SLC9C1: variants seen among roughly 807,000 people sequenced by gnomAD.
The protein encoded by SLC9C1 is solute carrier family 9 member C1, also known as sodium/hydrogen exchanger 10.
SLC9C1 carries 97 observed loss-of-function variants against 140.9 expected under a neutral mutation model. That is an observed-to-expected ratio of 0.69 (90% confidence interval 0.58 to 0.82). The LOEUF (loss-of-function observed/expected upper bound fraction) is 0.82. Among genes scored for constraint, SLC9C1 ranks in the 40% least tolerant of loss-of-function variants. The probability of loss-of-function intolerance (pLI) is 0.00; values close to 1 mark genes in which losing one functional copy is unlikely to be tolerated. For missense variants in SLC9C1, 1,340 were observed against 1,389.3 expected (o/e 0.96, Z 0.56); for synonymous variants, 440 against 442.6 (o/e 0.99, Z 0.07).
intron 15 of SLC9C1, among the ~76,000 whole-genome samples, chr3:112,212,999 G>A (rs1173758856): frequency 1.3e-5 from 2 of 152,240 alleles, no homozygotes; most frequent in African/African-American, 4.8e-5. Context: ...CAGAATAATA[G>A]CAGATCTCTC....
chr3:112,227,792 G>A (rs113382046), intron 13 of SLC9C1, among the ~76,000 whole-genome samples: 1 of 151,982 alleles, frequency 6.6e-6, no homozygotes, highest in Non-Finnish European at 1.5e-5. Context: ...TATGTGAAAA[G>A]AAATCAAAGC....
intron 18 of SLC9C1, 29 bp from the exon 19 acceptor site, chr3:112,200,791 T>C (rs748374068): frequency 1.9e-6 from 3 of 1,575,418 alleles, no homozygotes; most frequent in South Asian, 1.1e-5. Context: ...GTTATCCCCA[T>C]TGGAAAAACA....
chr3:112,253,734 A>G (rs1052884015), intron 10 of SLC9C1, among the ~76,000 whole-genome samples: 1 of 152,158 alleles, frequency 6.6e-6, no homozygotes, highest in African/African-American at 2.4e-5. Context: ...ATATCCTCCA[A>G]ATGACCACAC....
At chr3:112,290,049 G>T (rs990155431) in intron 1 of SLC9C1, among the ~76,000 whole-genome samples, 1 of 152,146 alleles carries the variant, frequency 6.6e-6, no homozygotes, top group Non-Finnish European at 1.5e-5. Flanking sequence ...TCCAGGGGAA[G>T]CCCCTGCCAT....
intron 28 of SLC9C1, among the ~76,000 whole-genome samples, chr3:112,146,201 CTTTCT>C (rs2074790672): frequency 6.6e-6 from 1 of 150,738 alleles, no homozygotes; most frequent in South Asian, 2.1e-4. Flanking sequence ...GTATTTGGAG[CTTTCT>C]TTTTTTTTTT....
chr3:112,253,267 T>C (rs533886232), intron 10 of SLC9C1, among the ~76,000 whole-genome samples: 21 of 152,196 alleles, frequency 1.4e-4, no homozygotes, highest in Admixed American at 8.5e-4. Context: ...TGCCGCCAAG[T>C]TGGGGAAGGC....
intron 15 of SLC9C1, among the ~76,000 whole-genome samples, chr3:112,213,628 A>G (rs2078271124): frequency 6.6e-6 from 1 of 152,214 alleles, no homozygotes; most frequent in Non-Finnish European, 1.5e-5. Flanking sequence ...ACATAATGGT[A>G]AAGGGATCAA....
At chr3:112,256,270 A>G (rs2079603550) in intron 10 of SLC9C1, among the ~76,000 whole-genome samples, 1 of 152,148 alleles carries the variant, frequency 6.6e-6, no homozygotes, top group Non-Finnish European at 1.5e-5. Context: ...CAGAGAAACA[A>G]CAAAAAAGAA....
At position 112,258,302 on chromosome 3, in the gene SLC9C1, C is replaced by A. The variant is rs1294307231; in HGVS notation, c.1197+4622G>T. Among the ~76,000 whole-genome samples the A allele has an allele frequency of 1.5e-4, 23 of 152,278 alleles. No homozygotes were observed. The East Asian group carries it at 4.2e-3, about 28-fold the overall frequency. The stretch of plus-strand genomic sequence containing the variant: ...GATATAGAATTAACCTAAATGCCCA[C>A]CATGGCAGATTGGATAAAGAAAATG... On this transcript the variant is annotated intron_variant, in intron 10 of 28. Coordinates refer to ENST00000305815, the MANE Select transcript of SLC9C1 (RefSeq NM_183061.3).
chr3:112,151,927 G>T lies in SLC9C1; in HGVS notation c.3454C>A (p.Gln1152Lys). Reference sequence around the variant, plus strand: ...TTTGTCCCCAGCAGGGAGCAAGGCTGGGGACTCCTGGCAGTGGCGGCACTG... The same window carrying T: ...TTTGTCCCCAGCAGGGAGCAAGGCTTGGGACTCCTGGCAGTGGCGGCACTG... ...AHSAATARSP[Q>K]PCSLLGTKFN... The change falls in exon 28 of 29, where the codon CAG becomes AAG. Residue 1152 changes from glutamine to lysine, a missense_variant. Physicochemically the swap from Gln to Lys is moderately conservative, Grantham distance 53 (BLOSUM62 1). Coordinates refer to ENST00000305815, the MANE Select transcript of SLC9C1 (RefSeq NM_183061.3). 6 of 1,604,896 alleles carry T rather than the reference G, an allele frequency of 3.7e-6. No individual in the cohort carries two copies. Among genetic ancestry groups the T allele is most frequent in the Non-Finnish European group, 5.1e-6 (6 of 1,177,522 alleles).
At chr3:112,169,421 T>C in intron 23 of SLC9C1, 93 bp from the exon 24 acceptor site, 1 of 1,166,064 alleles carries the variant, frequency 8.6e-7, no homozygotes, top group Non-Finnish European at 1.2e-6. Flanking sequence ...TTAAAGCTAA[T>C]AATTTAATTA....
At chr3:112,215,237 C>T (rs992496655) in intron 15 of SLC9C1, among the ~76,000 whole-genome samples, 1 of 152,158 alleles carries the variant, frequency 6.6e-6, no homozygotes, top group Admixed American at 6.5e-5. Context: ...TTATGACAAA[C>T]CCACAGCCAA....
chr3:112,177,479 G>A (rs532635084), intron 23 of SLC9C1, among the ~76,000 whole-genome samples: 3 of 150,994 alleles, frequency 2.0e-5, no homozygotes, highest in Non-Finnish European at 3.0e-5. Flanking sequence ...GCAGTTTCTA[G>A]CCAAGTTAGC....
intron 20 of SLC9C1, among the ~76,000 whole-genome samples, chr3:112,198,322 T>G (rs2077818151): frequency 6.6e-6 from 1 of 152,018 alleles, no homozygotes; most frequent in Admixed American, 6.6e-5. Context: ...TTAATCCTAC[T>G]GCTTTTAAGC....
intron 26 of SLC9C1, among the ~76,000 whole-genome samples, chr3:112,163,624 G>T (rs1197549070): frequency 2.0e-5 from 3 of 151,866 alleles, no homozygotes; most frequent in African/African-American, 7.2e-5. Context: ...TGATTGCACT[G>T]TGGTCTGAGA....
intron 26 of SLC9C1, among the ~76,000 whole-genome samples, chr3:112,163,238 A>AG (rs1450280571): frequency 6.8e-6 from 1 of 146,206 alleles, no homozygotes; most frequent in Admixed American, 6.8e-5. Flanking sequence ...GGATTCATTA[A>AG]TTTTTTGAAG....
intron 10 of SLC9C1, among the ~76,000 whole-genome samples, chr3:112,259,710 A>G (rs1003893152): frequency 6.0e-4 from 91 of 152,284 alleles, no homozygotes; most frequent in African/African-American, 2.1e-3. Context: ...TCTGTACACC[A>G]AACTTCCATG....
chr3:112,268,772 T>C (rs1008892825), intron 7 of SLC9C1, among the ~76,000 whole-genome samples: 1 of 152,248 alleles, frequency 6.6e-6, no homozygotes, highest in Non-Finnish European at 1.5e-5. Flanking sequence ...TTTTAAATCA[T>C]GGATGTGAGA....
At chr3:112,265,265 T>C (rs920656110) in intron 8 of SLC9C1, among the ~76,000 whole-genome samples, 1 of 152,048 alleles carries the variant, frequency 6.6e-6, no homozygotes, top group African/African-American at 2.4e-5. Flanking sequence ...AGTAATATAT[T>C]TGAAGATCCA....
Sources: gnomAD v4.1 joint callset for allele counts (sites outside exome capture counted in the v4.1 genomes callset) on GRCh38, gnomAD v4.1.1 for gene constraint, MANE v1.5 for transcripts, NCBI Gene and HGNC (gene_info 2026-07-23, HGNC 2026-07-21) for gene names.